The following EXPH5 variants were observed in gnomAD, a reference collection of about 807,000 sequenced individuals.
EXPH5 encodes the protein exophilin 5, also known as exophilin-5.
EXPH5 carries 42 observed loss-of-function variants against 41.1 expected under a neutral mutation model. The ratio of observed to expected loss-of-function variants is 1.02; its 90% CI spans 0.80 to 1.32. The LOEUF (loss-of-function observed/expected upper bound fraction) is 1.32. Among genes scored for constraint, EXPH5 ranks in the 40% most tolerant of loss-of-function variants. The pLI, the probability that EXPH5 is intolerant of heterozygous loss-of-function variation, is 0.00. For missense variants in EXPH5, 2,298 were observed against 2,314.5 expected (o/e 0.99, Z 0.15); for synonymous variants, 798 against 833.5 (o/e 0.96, Z 0.73).
chr11:108,532,366 ATTTTTTTTTT>A (rs1168217383), intron 3 of EXPH5, among the ~76,000 whole-genome samples: 103 of 32,008 alleles, frequency 3.2e-3, no homozygotes, highest in South Asian at 9.2e-3. Flanking sequence ...ATATATATAT[ATTTTTTTTTT>A]TTTTTTTTTT....
Position 108,513,706 on chromosome 11 carries a change from G to C in EXPH5, c.1801C>G (p.Gln601Glu). ...TGTACTTCTACAGGAGAACTGTCCT[G>C]TTGACTTACCAACTCACTAGATTTG... ...HVKSSELVSQ[Q>E]DSSPVEVHIN... The change falls in exon 6 of 6, where the codon CAG becomes GAG. Residue 601 changes from glutamine (Q) to glutamate (E), a missense_variant. Gln to Glu is a conservative substitution (Grantham distance 29). Transcript: ENST00000265843. The C allele has an allele frequency of 1.2e-6, 2 of 1,613,050 alleles. No individual in the cohort carries two copies. The highest frequency in any genetic ancestry group is 1.7e-6 in the Non-Finnish European group (2 of 1,179,644).
chr11:108,592,337 AT>A (rs1272952675), intron 1 of EXPH5, among the ~76,000 whole-genome samples: 2 of 152,132 alleles, frequency 1.3e-5, no homozygotes, highest in East Asian at 3.9e-4. Flanking sequence ...GACCAACTAG[AT>A]TTTCCAATTT....
At chr11:108,523,643 G>C (rs1030335673) in intron 4 of EXPH5, among the ~76,000 whole-genome samples, 1 of 152,144 alleles carries the variant, frequency 6.6e-6, no homozygotes, top group Admixed American at 6.5e-5. Context: ...AGGCCAAGGC[G>C]GGCAGATTGC....
chr11:108,517,656 T>G (rs1254408870), intron 5 of EXPH5, among the ~76,000 whole-genome samples: 1 of 152,266 alleles, frequency 6.6e-6, no homozygotes, highest in Non-Finnish European at 1.5e-5. Flanking sequence ...TTGTCTAATG[T>G]CAATTAGATT....
chr11:108,582,819 C>T (rs959449746), intron 1 of EXPH5, among the ~76,000 whole-genome samples: 1 of 152,222 alleles, frequency 6.6e-6, no homozygotes. Context: ...GGCAGCGTTA[C>T]TCCTGTCTGC....
At chr11:108,595,667 C>A (rs985548), upstream of EXPH5, among the ~76,000 whole-genome samples, 113,239 of 152,124 alleles carry the variant, frequency 0.74, 44,455 homozygotes, top group Non-Finnish European at 0.87. Context: ...CACAGATACA[C>A]AGTATATCTG....
intron 1 of EXPH5, among the ~76,000 whole-genome samples, chr11:108,576,709 C>T (rs182634345): frequency 1.6e-4 from 24 of 152,280 alleles, no homozygotes; most frequent in African/African-American, 5.8e-4. Flanking sequence ...TCCATTGCCT[C>T]AAGCATTTAT....
chr11:108,560,678 CAT>C (rs1383656130), intron 1 of EXPH5, among the ~76,000 whole-genome samples: 1 of 152,206 alleles, frequency 6.6e-6, no homozygotes, highest in Non-Finnish European at 1.5e-5. Context: ...TTTACCAAAA[CAT>C]ACTCCTGAGA....
intron 1 of EXPH5, chr11:108,567,850 A>C (rs1294142250): frequency 2.0e-5 from 3 of 152,148 alleles, no homozygotes; most frequent in Non-Finnish European, 2.9e-5. Context: ...CAACATATTT[A>C]AGCAAATTCT....
intron 1 of EXPH5, among the ~76,000 whole-genome samples, chr11:108,564,050 C>T (rs1348829733): frequency 6.6e-6 from 1 of 151,926 alleles, no homozygotes; most frequent in Admixed American, 6.6e-5. Flanking sequence ...GAGGCTGAGG[C>T]GGACGGATCA....
chr11:108,581,930 G>A (rs1245865552), intron 1 of EXPH5, among the ~76,000 whole-genome samples: 2 of 152,062 alleles, frequency 1.3e-5, no homozygotes, highest in Non-Finnish European at 2.9e-5. Flanking sequence ...AACACGCACT[G>A]TCAAACTCAC....
In EXPH5 at chr11:108,511,932, T is replaced by G; in HGVS notation, c.3575A>C (p.Glu1192Ala). The G allele has an allele frequency of 6.2e-7, 1 of 1,601,086 alleles. No individual in the cohort carries two copies. ...KENFQEYTEK[E>A]GKMAASRRSV... ...TCTCCTGGAGGCAGCCATTTTACCC[T>G]CTTTCTCAGTGTATTCTTGGAAGTT... The change falls in exon 6 of 6, where the codon GAG (glutamate) becomes GCG (alanine). Residue 1192 changes from glutamate (E) to alanine (A), a missense_variant. Physicochemically the swap from Glu to Ala is moderately radical, Grantham distance 107 (BLOSUM62 -1). Coordinates refer to ENST00000265843, the MANE Select transcript of EXPH5 (RefSeq NM_015065.3).
intron 1 of EXPH5, among the ~76,000 whole-genome samples, chr11:108,570,479 T>A (rs2094055351): frequency 6.6e-6 from 1 of 152,094 alleles, no homozygotes; most frequent in African/African-American, 2.4e-5. Context: ...GGTCTCAAAC[T>A]CCTGACCTTA....
intron 5 of EXPH5, 120 bp from the exon 6 acceptor site, chr11:108,514,995 TATCATGTTATA>T: frequency 3.9e-6 from 2 of 513,688 alleles, no homozygotes; most frequent in Non-Finnish European, 6.1e-6. Flanking sequence ...TTTATCATAT[TATCATGTTATA>T]ACATTAATTT....
At chr11:108,592,100 C>T (rs1207827320) in intron 1 of EXPH5, among the ~76,000 whole-genome samples, 2 of 152,100 alleles carry the variant, frequency 1.3e-5, no homozygotes, top group African/African-American at 4.8e-5. Context: ...TGTGTAGGTA[C>T]ATTATGCACG....
At chr11:108,518,536 A>G (rs1268179739) in intron 4 of EXPH5, among the ~76,000 whole-genome samples, 163 bp from the exon 5 acceptor site, 1 of 152,190 alleles carries the variant, frequency 6.6e-6, no homozygotes, top group African/African-American at 2.4e-5. Flanking sequence ...TGTTTTTGCC[A>G]TTTGTAACTG....
chr11:108,511,019 A>C lies in EXPH5; in HGVS notation c.4488T>G (p.Thr1496=), dbSNP rs371382968. 1.9e-6 allele frequency: 3 copies of C among 1,614,182 alleles called. No individual in the cohort carries two copies. The South Asian group carries it at 3.3e-5, about 18-fold the overall frequency. ...TCTCTGAGTGAGAAAGTGTTTTATT[A>C]GTCATTTTTTGGCAGTTGGTTCCAA... ...GDIGTNCQKM[T]NKTLSHSESQ... is the part of the protein sequence containing the mutation. Residue 1496 remains threonine (T), a synonymous_variant, in exon 6 of 6, where the codon ACT becomes ACG. Transcript: ENST00000265843.
At chr11:108,536,830 C>A (rs2093883008) in intron 3 of EXPH5, among the ~76,000 whole-genome samples, 1 of 152,176 alleles carries the variant, frequency 6.6e-6, no homozygotes, top group African/African-American at 2.4e-5. Flanking sequence ...GATCAGAATT[C>A]TTTCGCCTTG....
In EXPH5 at chr11:108,593,718, A is replaced by C; in HGVS notation, c.-182T>G. 1 of 1,539,222 alleles carries C rather than the reference A, an allele frequency of 6.5e-7. No individual in the cohort carries two copies. Among genetic ancestry groups the C allele is most frequent in the African/African-American group, 1.4e-5 (1 of 73,146 alleles). ...CCACACCTGAAGGGCTCATATTGAC[A>C]ATACCTTAATGACATGTTTCTCTCA... On this transcript the variant is annotated 5_prime_UTR_variant, in exon 1 of 6. The change creates a new upstream start codon in the 5' untranslated region. Coordinates refer to ENST00000265843, the MANE Select transcript of EXPH5 (RefSeq NM_015065.3).
Sources: allele counts gnomAD v4.1 joint callset (sites outside exome capture counted in the v4.1 genomes callset), GRCh38; gene constraint gnomAD v4.1.1; transcripts MANE v1.5; gene names NCBI Gene and HGNC (gene_info 2026-07-23, HGNC 2026-07-21).